Variants in TNN observed in about 807,000 individuals in gnomAD.
TNN encodes the protein tenascin-N.
Under a neutral mutation model 134.4 loss-of-function variants are expected in TNN, and 122 were observed. The ratio of observed to expected loss-of-function variants is 0.91; its 90% CI spans 0.78 to 1.06. TNN has a LOEUF of 1.06. Ranked by LOEUF, TNN falls within the 50% of genes least tolerant of loss-of-function variation. TNN has a pLI of 0.00. For synonymous variants in TNN, 710 were observed against 670.3 expected, an observed-to-expected ratio of 1.06 and a Z score of -0.91; for missense variants, 1,739 against 1,699.4, an observed-to-expected ratio of 1.02 and a Z score of -0.41.
intron 6 of TNN, among the ~76,000 whole-genome samples, chr1:175,093,379 A>G (rs1674496940): frequency 6.6e-6 from 1 of 152,234 alleles, no homozygotes; most frequent in African/African-American, 2.4e-5. Context: ...TTTTGAATAT[A>G]AGCTCCACAT....
rs751477971 is a variant in TNN, at chr1:175,098,552, G to C, written c.2076G>C (p.Lys692Asn). ...MEYMVHVWAQ[K>N]GDQESKKADT... ...ACATGGTGCACGTGTGGGCCCAGAAGGGGGACCAGGAGAGCAAGAAGGCCG... is the reference window on the plus strand; with the variant it reads ...ACATGGTGCACGTGTGGGCCCAGAACGGGGACCAGGAGAGCAAGAAGGCCG... The change falls in exon 9 of 19, where the codon AAG becomes AAC. Residue 692 changes from lysine (K) to asparagine (N), a missense_variant. By Grantham distance (94) the Lys-to-Asn change is moderately conservative. Transcript: ENST00000239462. The C allele has an allele frequency of 2.5e-6, 4 of 1,614,174 alleles. No homozygotes were observed. In the East Asian group the frequency reaches 6.7e-5, roughly 27 times the overall value.
intron 18 of TNN, among the ~76,000 whole-genome samples, chr1:175,146,602 C>T (rs1214066551): frequency 6.6e-6 from 1 of 152,100 alleles, no homozygotes; most frequent in Non-Finnish European, 1.5e-5. Flanking sequence ...ATTGCCGGCC[C>T]GGTTGACCCC....
chr1:175,122,704 G>C (rs530774074), intron 11 of TNN, among the ~76,000 whole-genome samples: 1 of 152,352 alleles, frequency 6.6e-6, no homozygotes, highest in South Asian at 2.1e-4. Flanking sequence ...ATTGATTGGA[G>C]AGTGAGCAGT....
At chr1:175,119,980 T>A (rs760483319) in intron 11 of TNN, among the ~76,000 whole-genome samples, 3 of 152,330 alleles carry the variant, frequency 2.0e-5, no homozygotes, top group Admixed American at 6.5e-5. Context: ...GTGTTTTTAA[T>A]CATTGTGTCT....
Position 175,100,192 on chromosome 1 carries a change from A to G in TNN, c.2119+1597A>G, listed in dbSNP as rs189574314. On this transcript the variant is annotated intron_variant, in intron 9 of 18. Transcript: ENST00000239462. Reference sequence around the variant, plus strand: ...TTTGGGCTTTCTCACCCTTGGCACTATTGCTATCTTGGGGTGGATAATTCT... The same window carrying G: ...TTTGGGCTTTCTCACCCTTGGCACTGTTGCTATCTTGGGGTGGATAATTCT... Among the ~76,000 whole-genome samples, 3 of 152,104 alleles carry G rather than the reference A, an allele frequency of 2.0e-5. No individual in the cohort carries two copies. The East Asian group carries it at 5.8e-4, about 29-fold the overall frequency.
intron 12 of TNN, 41 bp from the exon 13 acceptor site, chr1:175,126,914 T>C (rs763398194): frequency 1.9e-6 from 3 of 1,578,604 alleles, no homozygotes; most frequent in Middle Eastern, 1.7e-4. Flanking sequence ...TTGCCTCAGT[T>C]GTATCTTAGT....
chr1:175,131,234 C>T (rs1675667174), intron 15 of TNN, among the ~76,000 whole-genome samples: 1 of 152,202 alleles, frequency 6.6e-6, no homozygotes, highest in South Asian at 2.1e-4. Flanking sequence ...GAAAGAACAT[C>T]AGGGAACACT....
intron 9 of TNN, among the ~76,000 whole-genome samples, chr1:175,110,961 G>A (rs1378667222): frequency 1.3e-5 from 2 of 151,808 alleles, no homozygotes; most frequent in South Asian, 2.1e-4. Context: ...GATCATTTGA[G>A]GTCAGGAGTT....
intron 5 of TNN, 69 bp downstream of exon 5, chr1:175,084,004 G>C: frequency 1.1e-5 from 17 of 1,482,564 alleles, no homozygotes; most frequent in Non-Finnish European, 1.5e-5. Flanking sequence ...TGTGCAGAGG[G>C]CACTGGCATC....
rs1675429616 is a variant in TNN, at chr1:175,123,463, G to A, written c.2714G>A (p.Trp905Ter). ...WVTENMATVS[W>*]DPVQATIDKY... ...ACGGAGAATATGGCCACTGTCTCCT[G>A]GGACCCGGTTCAGGCCACCATTGAC... The change falls in exon 12 of 19, where the codon TGG becomes TAG. Residue 905 changes from tryptophan (W) to a stop codon, truncating the protein, a stop_gained. Coordinates refer to ENST00000239462, the MANE Select transcript of TNN (RefSeq NM_022093.2). LOFTEE classifies it high-confidence loss of function. 1 of 1,614,092 alleles carries A rather than the reference G, an allele frequency of 6.2e-7. No homozygotes were observed. The highest frequency in any genetic ancestry group is 2.2e-5 in the East Asian group (1 of 44,900).
In TNN at chr1:175,079,313, G is replaced by A. The variant is rs1674131249; in HGVS notation, c.410-20G>A. 6.4e-7 allele frequency: 1 copy of A among 1,571,454 alleles called. No homozygotes were observed. Among genetic ancestry groups the A allele is most frequent in the Non-Finnish European group, 8.6e-7 (1 of 1,167,862 alleles). On this transcript the variant is annotated intron_variant, in intron 2 of 18. Transcript: ENST00000239462. ...GCACAACCCTTCAACCCAACCTACT[G>A]TTTCTCCTCTCCCTCCCAGATCTAA... is the stretch of plus-strand genomic sequence containing the variant.
Position 175,093,999 on chromosome 1 carries a change from G to T in TNN, c.1334G>T (p.Ser445Ile). ...ILLNGRTEID[S>I]PTNVVTDRVT... ...ATGTGTTTTTATGAAGAAATTGACA[G>T]TCCAACCAATGTTGTCACTGATCGA... Residue 445 changes from serine (S) to isoleucine (I), a missense_variant, in exon 7 of 19, where the codon AGT becomes ATT. Ser to Ile is a moderately radical substitution (Grantham distance 142). Transcript: ENST00000239462. 1 of 1,595,436 alleles carries T rather than the reference G, an allele frequency of 6.3e-7. No homozygotes were observed. Among genetic ancestry groups the T allele is most frequent in the African/African-American group, 1.3e-5 (1 of 74,736 alleles).
Position 175,118,729 on chromosome 1 carries a change from T to C in TNN, c.2555T>C (p.Leu852Pro), listed in dbSNP as rs1231690210. The change falls in exon 11 of 19, where the codon CTG (leucine) becomes CCG (proline). Residue 852 changes from leucine to proline, a missense_variant. Physicochemically the swap from Leu to Pro is moderately conservative, Grantham distance 98 (BLOSUM62 -3). Transcript: ENST00000239462. ...GGGAAGGAGCAGAGCAGCACTGTCC[T>C]GACGGGCCTGAGGCCGGGCATGGAG... ...PVGKEQSSTV[L>P]TGLRPGMEYT... is the part of the protein sequence containing the mutation. 1 of 1,614,160 alleles carries C rather than the reference T, an allele frequency of 6.2e-7. No homozygotes were observed. Among genetic ancestry groups the C allele is most frequent in the Admixed American group, 1.7e-5 (1 of 60,018 alleles).
At chr1:175,119,927 T>C (rs1215490651) in intron 11 of TNN, among the ~76,000 whole-genome samples, 2 of 152,228 alleles carry the variant, frequency 1.3e-5, no homozygotes, top group Non-Finnish European at 1.5e-5. Flanking sequence ...CATGAGCCAC[T>C]GCGCCTGGGC....
At chr1:175,115,051 G>T (rs996857591) in intron 9 of TNN, among the ~76,000 whole-genome samples, 5 of 152,080 alleles carry the variant, frequency 3.3e-5, no homozygotes, top group East Asian at 1.9e-4. Flanking sequence ...GACTCAGGGG[G>T]CCTAGTCCAG....
chr1:175,109,149 C>T (rs532531660), intron 9 of TNN, among the ~76,000 whole-genome samples: 407 of 122,682 alleles, frequency 3.3e-3, no homozygotes, highest in African/African-American at 0.012. Flanking sequence ...ACTGCAGTGG[C>T]GCAATCTCGG....
At chr1:175,118,437 CAA>C (rs773504402) in intron 10 of TNN, 122 bp from the exon 11 acceptor site, 32 of 1,194,770 alleles carry the variant, frequency 2.7e-5, no homozygotes, top group East Asian at 2.1e-4. Context: ...AAAAATGAAA[CAA>C]GAGCATATGA....
Position 175,144,562 on chromosome 1 carries a change from G to T in TNN, c.3759+12G>T. Reference sequence around the variant, plus strand: ...CCAAGCACAGTGAGGTAGGTGACAGGTGAATGTCTTTTCTGTCCCAGGGTA... The same window carrying T: ...CCAAGCACAGTGAGGTAGGTGACAGTTGAATGTCTTTTCTGTCCCAGGGTA... On this transcript the variant is annotated intron_variant, in intron 18 of 18. Transcript: ENST00000239462. 1 of 1,613,446 alleles carries T rather than the reference G, an allele frequency of 6.2e-7. No individual in the cohort carries two copies. The highest frequency in any genetic ancestry group is 8.5e-7 in the Non-Finnish European group (1 of 1,179,632).
chr1:175,146,613 T>A (rs1453334675), intron 18 of TNN, among the ~76,000 whole-genome samples: 1 of 152,116 alleles, frequency 6.6e-6, no homozygotes, highest in Non-Finnish European at 1.5e-5. Context: ...GGTTGACCCC[T>A]GTGTTGTCTC....
Sources: allele counts gnomAD v4.1 joint callset (sites outside exome capture counted in the v4.1 genomes callset), GRCh38; gene constraint gnomAD v4.1.1; transcripts MANE v1.5; gene names NCBI Gene and HGNC (gene_info 2026-07-23, HGNC 2026-07-21).